TXLNG: variants seen among roughly 807,000 people sequenced by gnomAD.
The protein encoded by TXLNG is gamma-taxilin.
A neutral mutation model predicts 38.8 loss-of-function variants in TXLNG; 5 were observed. That is an observed-to-expected ratio of 0.13 (90% CI 0.07 to 0.27). TXLNG has a LOEUF of 0.27. Ranked by LOEUF, TXLNG falls within the 10% of genes least tolerant of loss-of-function variation. The pLI is 1.00. For synonymous variants in TXLNG, 182 were observed against 158.2 expected (o/e 1.15, Z -1.13); for missense variants, 393 against 398.2 (o/e 0.99, Z 0.11).
intron 7 of TXLNG, among the ~76,000 whole-genome samples, chrX:16,834,842 T>A (rs1450122324): frequency 8.9e-6 from 1 of 112,564 alleles, no homozygotes; most frequent in Non-Finnish European, 1.9e-5. Flanking sequence ...AACTCTAATA[T>A]CTTTAGAGTT....
rs1929881375 is a variant in TXLNG, at chrX:16,842,218, T to C, written c.*452T>C. 9.3e-6 allele frequency: 1 copy of C among 107,364 alleles called. No individual in the cohort carries two copies. Among genetic ancestry groups the C allele is most frequent in the Non-Finnish European group, 1.9e-5 (1 of 52,349 alleles). 8.8% of individuals were successfully genotyped at this position (107,364 alleles called of 1,213,427 possible). On this transcript the variant is annotated 3_prime_UTR_variant, in exon 10 of 10. Transcript: ENST00000380122. ...GCGATTAGTTTTGTCTAATAACCCATTTAAATGCCAAGTAAAAATAAAACT... is the reference window on the plus strand; with the variant it reads ...GCGATTAGTTTTGTCTAATAACCCACTTAAATGCCAAGTAAAAATAAAACT...
intron 1 of TXLNG, among the ~76,000 whole-genome samples, chrX:16,813,310 A>C (rs1225883540): frequency 9.0e-6 from 1 of 110,751 alleles, no homozygotes; most frequent in Non-Finnish European, 1.9e-5. Flanking sequence ...GGATGTGGAG[A>C]AATTGGAACC....
intron 1 of TXLNG, among the ~76,000 whole-genome samples, chrX:16,786,922 C>T (rs1384870476): frequency 1.8e-5 from 2 of 111,062 alleles, no homozygotes; most frequent in Non-Finnish European, 3.8e-5. Flanking sequence ...CGCGGGGATC[C>T]GGGCGCCAGG....
intron 3 of TXLNG, among the ~76,000 whole-genome samples, chrX:16,821,791 C>T (rs1292543317): frequency 1.9e-5 from 2 of 107,409 alleles, no homozygotes; most frequent in Non-Finnish European, 3.8e-5. Flanking sequence ...GAGATCGAGA[C>T]CATCCTGGCT....
At chrX:16,836,598 G>T (rs1183109322) in intron 7 of TXLNG, among the ~76,000 whole-genome samples, 1 of 112,096 alleles carries the variant, frequency 8.9e-6, no homozygotes, top group Non-Finnish European at 1.9e-5. Context: ...CTTCCGGGAT[G>T]GCCCGTCCCC....
chrX:16,802,254 C>CTT (rs549410933), intron 1 of TXLNG, among the ~76,000 whole-genome samples: 25,051 of 86,020 alleles, frequency 0.29, 4,279 homozygotes, highest in Middle Eastern at 0.48. Flanking sequence ...CGCACCTGGC[C>CTT]TTTTTTTTTT....
At chrX:16,821,305 T>C (rs1162510473) in intron 3 of TXLNG, among the ~76,000 whole-genome samples, 1 of 107,925 alleles carries the variant, frequency 9.3e-6, no homozygotes, top group Non-Finnish European at 1.9e-5. Context: ...CACGCCTGGC[T>C]AATTTTTTGT....
chrX:16,797,132 A>C (rs1304747133), intron 1 of TXLNG, among the ~76,000 whole-genome samples: 1 of 110,112 alleles, frequency 9.1e-6, no homozygotes, highest in African/African-American at 3.3e-5. Flanking sequence ...AAAAATACAA[A>C]AATTAGCCAG....
intron 1 of TXLNG, among the ~76,000 whole-genome samples, chrX:16,802,843 CAG>C (rs1204832025): frequency 1.1e-5 from 1 of 94,186 alleles, no homozygotes; most frequent in East Asian, 3.2e-4. Context: ...TTTTTTGAGA[CAG>C]AGTTTTGCTC....
At chrX:16,840,071 TAG>T (rs1002328438) in intron 9 of TXLNG, 155 bp downstream of exon 9, 16 of 399,105 alleles carry the variant, frequency 4.0e-5, no homozygotes, top group African/African-American at 3.9e-4. Flanking sequence ...AGTTGCTGGG[TAG>T]AATCTGTGAC....
At chrX:16,798,708 C>T (rs994306353) in intron 1 of TXLNG, among the ~76,000 whole-genome samples, 3 of 110,169 alleles carry the variant, frequency 2.7e-5, no homozygotes, top group East Asian at 2.8e-4. Flanking sequence ...GCTTCAGCCT[C>T]CCAAGTAGCT....
intron 5 of TXLNG, among the ~76,000 whole-genome samples, chrX:16,830,995 T>A (rs1234804438): frequency 9.1e-6 from 1 of 109,851 alleles, no homozygotes. Context: ...TGTGAGCCAC[T>A]GTACATGGCT....
Position 16,843,635 on chromosome X carries a change from C to CT in TXLNG, c.*1871dup, listed in dbSNP as rs1206769851. The CT allele has an allele frequency of 8.9e-6, 1 of 111,927 alleles. No homozygotes were observed. Among genetic ancestry groups the CT allele is most frequent in the Non-Finnish European group, 1.9e-5 (1 of 53,213 alleles). The allele number at this position is 111,927 out of a possible 1,213,427, so 9.2% of individuals were successfully genotyped here. A position where few individuals can be genotyped will look rare whatever the true frequency, so the allele number is the denominator to read the frequency against. The stretch of plus-strand genomic sequence containing the variant: ...CAAGAACTCTGCTGGATGTACAGCT[C>CT]TTAACATTTTATTAAGCCATTTGTG... On this transcript the variant is annotated 3_prime_UTR_variant, in exon 10 of 10. Coordinates refer to ENST00000380122, the MANE Select transcript of TXLNG (RefSeq NM_018360.3).
chrX:16,793,007 G>C (rs1397701833), intron 1 of TXLNG, among the ~76,000 whole-genome samples: 1 of 108,461 alleles, frequency 9.2e-6, no homozygotes, highest in Non-Finnish European at 1.9e-5. Flanking sequence ...TGAGGCAGGA[G>C]AATCACTTGA....
chrX:16,806,904 G>T (rs1446636240), intron 1 of TXLNG, among the ~76,000 whole-genome samples: 2 of 96,764 alleles, frequency 2.1e-5, no homozygotes, highest in Admixed American at 2.3e-4. Flanking sequence ...GGGACAGAGC[G>T]AGACTCTGTC....
chrX:16,798,792 G>C (rs952796376), intron 1 of TXLNG, among the ~76,000 whole-genome samples: 2 of 110,407 alleles, frequency 1.8e-5, no homozygotes, highest in African/African-American at 6.6e-5. Flanking sequence ...CACTATGGCT[G>C]GTCTCCAACT....
In TXLNG at chrX:16,822,340, C is replaced by CA. The variant is rs1220004254; in HGVS notation, c.498+2099dup. On this transcript the variant is annotated intron_variant, in intron 3 of 9. Transcript: ENST00000380122. ...TGGACGACAGAGTGAGACTCTGACT[C>CA]AAAAAAAAAAAAAATGACAGTTACT... Among the ~76,000 whole-genome samples, 601 of 93,623 alleles carry CA rather than the reference C, an allele frequency of 6.4e-3. 4 individuals are homozygous for CA. Among genetic ancestry groups the CA allele is most frequent in the African/African-American group, 0.02 (508 of 25,624 alleles). 81.3% of individuals were successfully genotyped at this position (93,623 alleles called of 115,157 possible). A position where few individuals can be genotyped will look rare whatever the true frequency, so the allele number is the denominator to read the frequency against.
chrX:16,815,417 C>T (rs1254824159), intron 1 of TXLNG, among the ~76,000 whole-genome samples: 1 of 111,833 alleles, frequency 8.9e-6, no homozygotes, highest in Non-Finnish European at 1.9e-5. Flanking sequence ...TCAGGTGATC[C>T]GCCTGCCTCA....
chrX:16,805,007 T>TTTTTTTTTTTTTTTG (rs1162642529), intron 1 of TXLNG, among the ~76,000 whole-genome samples: 2 of 38,723 alleles, frequency 5.2e-5, no homozygotes, highest in Non-Finnish European at 1.0e-4. Flanking sequence ...TTTTTTTTTT[T>TTTTTTTTTTTTTTTG]GAGAGACAGA....
Sources: allele counts gnomAD v4.1 joint callset (sites outside exome capture counted in the v4.1 genomes callset), GRCh38; gene constraint gnomAD v4.1.1; transcripts MANE v1.5; gene names NCBI Gene and HGNC (gene_info 2026-07-23, HGNC 2026-07-21).